Variants in CDH8 observed in about 807,000 individuals in gnomAD.
The protein encoded by CDH8 is cadherin-8.
Under a neutral mutation model 68.1 loss-of-function variants are expected in CDH8, and 17 were observed. That is an observed-to-expected ratio of 0.25 (90% CI 0.17 to 0.37). The LOEUF (loss-of-function observed/expected upper bound fraction) is 0.37, where lower values mean the gene tolerates loss of function less well. Among genes scored for constraint, CDH8 ranks in the 10% least tolerant of loss-of-function variants. The pLI is 1.00. For synonymous variants in CDH8, 372 were observed against 365.1 expected (o/e 1.02, Z -0.21); for missense variants, 763 against 999.3 (o/e 0.76, Z 3.19).
chr16:61,676,202 A>T (rs1963906702), intron 10 of CDH8, among the ~76,000 whole-genome samples: 1 of 148,644 alleles, frequency 6.7e-6, no homozygotes, highest in South Asian at 2.1e-4. Flanking sequence ...AAGAAAATTT[A>T]ACAAGTAAAA....
At chr16:61,864,751 T>C (rs1054249520) in intron 3 of CDH8, among the ~76,000 whole-genome samples, 2 of 152,154 alleles carry the variant, frequency 1.3e-5, no homozygotes, top group African/African-American at 4.8e-5. Context: ...TACTGAATTA[T>C]TACCATCTGA....
At chr16:61,656,433 T>C (rs920146801) in intron 10 of CDH8, among the ~76,000 whole-genome samples, 1 of 152,126 alleles carries the variant, frequency 6.6e-6, no homozygotes, top group Admixed American at 6.6e-5. Context: ...TTGAAACACA[T>C]GTTTGAGAAG....
At chr16:61,969,316 A>G (rs1965301894) in intron 2 of CDH8, among the ~76,000 whole-genome samples, 1 of 152,254 alleles carries the variant, frequency 6.6e-6, no homozygotes, top group Admixed American at 6.5e-5. Flanking sequence ...GCTAACTCCA[A>G]TGGCAGACCC....
intron 8 of CDH8, among the ~76,000 whole-genome samples, chr16:61,750,262 A>G (rs1009771885): frequency 9.2e-5 from 14 of 152,140 alleles, no homozygotes; most frequent in African/African-American, 3.4e-4. Context: ...GCTCAAGAGA[A>G]AAACTACGCA....
At chr16:61,734,587 C>A (rs1421844833) in intron 8 of CDH8, among the ~76,000 whole-genome samples, 6 of 152,008 alleles carry the variant, frequency 3.9e-5, no homozygotes, top group East Asian at 1.9e-4. Flanking sequence ...CAAGCCCCAC[C>A]TTTTCCAGAA....
intron 10 of CDH8, among the ~76,000 whole-genome samples, chr16:61,694,884 T>TGCAG (rs1431070973): frequency 1.3e-5 from 2 of 151,842 alleles, no homozygotes; most frequent in Non-Finnish European, 2.9e-5. Context: ...TGGGTTCACG[T>TGCAG]GATTCTCCTG....
At chr16:61,696,950 G>C (rs1356014042) in intron 10 of CDH8, among the ~76,000 whole-genome samples, 3 of 152,102 alleles carry the variant, frequency 2.0e-5, no homozygotes, top group Non-Finnish European at 4.4e-5. Flanking sequence ...GGGGGAGGAA[G>C]AGGAGGCAGC....
At chr16:61,744,056 A>G (rs1959952707) in intron 8 of CDH8, among the ~76,000 whole-genome samples, 1 of 152,100 alleles carries the variant, frequency 6.6e-6, no homozygotes, top group Non-Finnish European at 1.5e-5. Flanking sequence ...TTTATGACAC[A>G]GTTTTTGGCC....
rs1292624141 is a variant in CDH8 at position 62,012,993 on chromosome 16, G to A, written c.252+8159C>T. On this transcript the variant is annotated intron_variant, in intron 2 of 11. Coordinates refer to ENST00000577390, the MANE Select transcript of CDH8 (RefSeq NM_001796.5). Reference sequence around the variant, plus strand: ...CTTAAGGCCGGGCGCGGTGGCTCACGCCTGTAATCCCAGCACTTTGGGAGG... The same window carrying A: ...CTTAAGGCCGGGCGCGGTGGCTCACACCTGTAATCCCAGCACTTTGGGAGG... Among the ~76,000 whole-genome samples, 2 of 99,192 alleles carry A rather than the reference G, an allele frequency of 2.0e-5. 1 individual carries two copies. The highest frequency in any genetic ancestry group is 2.1e-4 in the Admixed American group (2 of 9,334). The allele number at this position is 99,192 out of a possible 152,430, so 65.1% of individuals were successfully genotyped here. A position where few individuals can be genotyped will look rare whatever the true frequency, so the allele number is the denominator to read the frequency against.
intron 7 of CDH8, among the ~76,000 whole-genome samples, chr16:61,812,694 T>C (rs1232971702): frequency 6.6e-6 from 1 of 152,198 alleles, no homozygotes; most frequent in Admixed American, 6.5e-5. Context: ...TTGCTGCATA[T>C]AACAACTTTT....
intron 9 of CDH8, 127 bp downstream of exon 9, chr16:61,726,967 G>T: frequency 3.1e-6 from 3 of 960,888 alleles, no homozygotes; most frequent in Non-Finnish European, 4.8e-6. Context: ...GTTCCCATTT[G>T]GATGTGTTTC....
intron 10 of CDH8, among the ~76,000 whole-genome samples, chr16:61,689,146 T>C (rs1489275603): frequency 6.6e-6 from 1 of 152,040 alleles, no homozygotes; most frequent in Non-Finnish European, 1.5e-5. Flanking sequence ...TATGGTCCTT[T>C]ATTTCATTTC....
At chr16:61,963,883 C>CT (rs1567548201) in intron 2 of CDH8, among the ~76,000 whole-genome samples, 1 of 152,158 alleles carries the variant, frequency 6.6e-6, no homozygotes, top group Non-Finnish European at 1.5e-5. Flanking sequence ...TTCTATCTTG[C>CT]TTATCTCTAC....
In CDH8 at chr16:61,744,495, A is replaced by G. The variant is rs1445008332; in HGVS notation, c.1415-17280T>C. On this transcript the variant is annotated intron_variant, in intron 8 of 11. Coordinates refer to ENST00000577390, the MANE Select transcript of CDH8 (RefSeq NM_001796.5). Reference sequence around the variant, plus strand: ...TACAGCTTTATCTGTGATAAGAGACATGATCTGTGTCTTGCTTCCTTTTTA... The same window carrying G: ...TACAGCTTTATCTGTGATAAGAGACGTGATCTGTGTCTTGCTTCCTTTTTA... 3.3e-5 allele frequency among the ~76,000 whole-genome samples: 5 copies of G among 152,148 alleles called. No homozygotes were observed. In the South Asian group the frequency reaches 6.2e-4, roughly 19 times the overall value.
chr16:61,808,262 A>G (rs1256662389), intron 7 of CDH8, among the ~76,000 whole-genome samples: 1 of 152,190 alleles, frequency 6.6e-6, no homozygotes, highest in Non-Finnish European at 1.5e-5. Context: ...TGAAGGGACT[A>G]GGGTTTGGCT....
intron 10 of CDH8, among the ~76,000 whole-genome samples, chr16:61,700,442 A>G (rs950498377): frequency 2.0e-5 from 3 of 151,828 alleles, no homozygotes; most frequent in African/African-American, 7.3e-5. Context: ...CACAACGCCC[A>G]GGTAATTTTT....
chr16:61,904,528 T>C (rs1033464224), intron 2 of CDH8, among the ~76,000 whole-genome samples: 11 of 152,214 alleles, frequency 7.2e-5, no homozygotes, highest in African/African-American at 2.7e-4. Flanking sequence ...ACATTACTGC[T>C]TAAAAAATAC....
At chr16:61,932,575 T>G (rs943984166) in intron 2 of CDH8, among the ~76,000 whole-genome samples, 2 of 152,272 alleles carry the variant, frequency 1.3e-5, no homozygotes, top group African/African-American at 4.8e-5. Context: ...TTAAGAGTGG[T>G]GAAAGTTGTA....
intron 2 of CDH8, among the ~76,000 whole-genome samples, chr16:62,016,417 T>C (rs1901941873): frequency 1.3e-5 from 2 of 152,214 alleles, no homozygotes; most frequent in Admixed American, 1.3e-4. Context: ...ATCACCGTCC[T>C]GACTTGCAGC....
Sources: allele counts gnomAD v4.1 joint callset (sites outside exome capture counted in the v4.1 genomes callset), GRCh38; gene constraint gnomAD v4.1.1; transcripts MANE v1.5; gene names NCBI Gene and HGNC (gene_info 2026-07-23, HGNC 2026-07-21).